The following MACROD2 variants were observed in gnomAD, a reference collection of about 807,000 sequenced individuals.
MACROD2 encodes the protein mono-ADP ribosylhydrolase 2.
In MACROD2, 36 loss-of-function variants were observed where a neutral mutation model predicts 70.4. The observed-to-expected ratio is 0.51, with a 90% CI of 0.39 to 0.68. MACROD2 has a LOEUF of 0.68. Ranked by LOEUF, MACROD2 falls within the 30% of genes least tolerant of loss-of-function variation. MACROD2 has a pLI of 0.00. For synonymous variants in MACROD2, 172 were observed against 178.8 expected (o/e 0.96, Z 0.30); for missense variants, 496 against 538.4 (o/e 0.92, Z 0.78).
chr20:14,713,494 C>T (rs1845319991), intron 5 of MACROD2, among the ~76,000 whole-genome samples: 2 of 152,218 alleles, frequency 1.3e-5, no homozygotes, highest in South Asian at 2.1e-4. Flanking sequence ...GCAGTTTTAC[C>T]ACCTAATATA....
At chr20:16,012,153 C>T (rs2066872108) in intron 15 of MACROD2, among the ~76,000 whole-genome samples, 2 of 152,220 alleles carry the variant, frequency 1.3e-5, no homozygotes, top group Admixed American at 1.3e-4. Context: ...TCTCCTAGCA[C>T]ACATGTTCCA....
chr20:15,132,124 G>T (rs2076110593), intron 5 of MACROD2, among the ~76,000 whole-genome samples: 1 of 151,992 alleles, frequency 6.6e-6, no homozygotes, highest in Non-Finnish European at 1.5e-5. Flanking sequence ...TAAGTGAGAT[G>T]AAAAAACTCA....
intron 3 of MACROD2, among the ~76,000 whole-genome samples, chr20:14,174,025 C>T (rs1287448825): frequency 6.6e-6 from 1 of 152,078 alleles, no homozygotes; most frequent in African/African-American, 2.4e-5. Context: ...ATTGAGGTTC[C>T]AAGGGATTGA....
At chr20:14,259,828 T>C (rs1028111198) in intron 3 of MACROD2, among the ~76,000 whole-genome samples, 7 of 152,244 alleles carry the variant, frequency 4.6e-5, no homozygotes, top group Non-Finnish European at 8.8e-5. Context: ...TAGCCTCTGC[T>C]GTCTATCCTT....
chr20:15,493,999 C>T (rs1465383465), intron 7 of MACROD2, among the ~76,000 whole-genome samples: 1 of 152,198 alleles, frequency 6.6e-6, no homozygotes, highest in Non-Finnish European at 1.5e-5. Context: ...GGTCTGCTGA[C>T]AGAATTGGTC....
chr20:14,656,738 A>T (rs1196727308), intron 4 of MACROD2, among the ~76,000 whole-genome samples: 1 of 152,150 alleles, frequency 6.6e-6, no homozygotes, highest in African/African-American at 2.4e-5. Context: ...GATATGAAAG[A>T]TGTCATTACT....
At chr20:15,459,385 A>G (rs6131672) in intron 7 of MACROD2, among the ~76,000 whole-genome samples, 75,625 of 151,298 alleles carry the variant, frequency 0.5, 19,901 homozygotes, top group African/African-American at 0.66. Flanking sequence ...GAAATTTAGC[A>G]GAAGCTGTGT....
chr20:15,891,444 G>A (rs2064888345), intron 10 of MACROD2, among the ~76,000 whole-genome samples: 1 of 152,160 alleles, frequency 6.6e-6, no homozygotes. Context: ...AATGTGATCT[G>A]GTTTATGTTT....
At position 15,059,873 on chromosome 20, in the gene MACROD2, A is replaced by G. The variant is rs551709184; in HGVS notation, c.419-170067A>G. On this transcript the variant is annotated intron_variant, in intron 5 of 17. Coordinates refer to ENST00000684519, the MANE Select transcript of MACROD2 (RefSeq NM_001351661.2). ...GATGTAGCTAAGTAATTTCCTTTCA[A>G]TAAATTGAAATAAAGATTCCCTAAA... Among the ~76,000 whole-genome samples the G allele has an allele frequency of 1.7e-4, 26 of 152,336 alleles. No individual in the cohort carries two copies. In the South Asian group the frequency reaches 4.6e-3, roughly 27 times the overall value.
At chr20:14,539,519 C>T (rs2085405328) in intron 4 of MACROD2, among the ~76,000 whole-genome samples, 1 of 151,948 alleles carries the variant, frequency 6.6e-6, no homozygotes, top group African/African-American at 2.4e-5. Context: ...ATATGAAGGC[C>T]CTGAAAACCA....
At chr20:15,102,505 A>G (rs1030190217) in intron 5 of MACROD2, among the ~76,000 whole-genome samples, 2 of 152,026 alleles carry the variant, frequency 1.3e-5, no homozygotes, top group East Asian at 3.9e-4. Flanking sequence ...GGGACCTGAC[A>G]TATTAGTTAG....
intron 7 of MACROD2, among the ~76,000 whole-genome samples, chr20:15,453,778 C>G (rs527496745): frequency 6.6e-6 from 1 of 152,224 alleles, no homozygotes; most frequent in South Asian, 2.1e-4. Context: ...TAAAAAGCAC[C>G]ATGCATGTTC....
chr20:14,984,327 A>T (rs1190730431), intron 5 of MACROD2, among the ~76,000 whole-genome samples: 1 of 152,154 alleles, frequency 6.6e-6, no homozygotes, highest in Non-Finnish European at 1.5e-5. Flanking sequence ...AGGATTAGTG[A>T]CAAAAGGCAA....
At chr20:15,027,587 A>G (rs905427550) in intron 5 of MACROD2, among the ~76,000 whole-genome samples, 44 of 151,924 alleles carry the variant, frequency 2.9e-4, no homozygotes, top group African/African-American at 9.7e-4. Flanking sequence ...TTGTGAAAAA[A>G]GTTTAGCCTT....
chr20:15,696,653 T>C (rs1412437905), intron 8 of MACROD2, among the ~76,000 whole-genome samples: 4 of 151,372 alleles, frequency 2.6e-5, no homozygotes, highest in Non-Finnish European at 5.9e-5. Flanking sequence ...GGTAGAATTC[T>C]GCTGTGAATC....
At chr20:14,346,279 C>T (rs964975756) in intron 3 of MACROD2, among the ~76,000 whole-genome samples, 2 of 151,954 alleles carry the variant, frequency 1.3e-5, no homozygotes, top group African/African-American at 4.8e-5. Flanking sequence ...AAAACATAAA[C>T]ACTACAAGAC....
chr20:15,064,868 G>A (rs1362019332), intron 5 of MACROD2, among the ~76,000 whole-genome samples: 1 of 152,186 alleles, frequency 6.6e-6, no homozygotes, highest in Non-Finnish European at 1.5e-5. Flanking sequence ...TAAGAACTCT[G>A]AATTAAGCCT....
intron 5 of MACROD2, among the ~76,000 whole-genome samples, chr20:14,873,013 G>A (rs1363813117): frequency 1.3e-5 from 2 of 151,928 alleles, no homozygotes; most frequent in African/African-American, 4.8e-5. Context: ...CTGCCCCCAA[G>A]ATTCAGTTAC....
In MACROD2 at chr20:16,034,899, GA is replaced by G. The variant is rs368618502; in HGVS notation, c.1154-6300del. 2.0e-4 allele frequency among the ~76,000 whole-genome samples: 30 copies of G among 151,308 alleles called. No homozygotes were observed. In the South Asian group the frequency reaches 5.2e-3, roughly 26 times the overall value. ...TAGCTTAGCTCCCACATATCAGTGA[GA>G]ACATACGATCTTTGGTTCTCCATTC... On this transcript the variant is annotated intron_variant, in intron 15 of 17. Transcript: ENST00000684519.
Sources: gnomAD v4.1 joint callset for allele counts (sites outside exome capture counted in the v4.1 genomes callset) on GRCh38, gnomAD v4.1.1 for gene constraint, MANE v1.5 for transcripts, NCBI Gene and HGNC (gene_info 2026-07-23, HGNC 2026-07-21) for gene names.